Variants in SORCS1 observed in about 807,000 individuals in gnomAD.
SORCS1 encodes VPS10 domain-containing receptor SorCS1.
SORCS1 carries 60 observed loss-of-function variants against 146.1 expected under a neutral mutation model. The ratio of observed to expected loss-of-function variants is 0.41; its 90% CI spans 0.33 to 0.51. The LOEUF is 0.51. Ranked by LOEUF, SORCS1 falls within the 20% of genes least tolerant of loss-of-function variation. The pLI, the probability that SORCS1 is intolerant of heterozygous loss-of-function variation, is 0.21. For missense variants in SORCS1, 1,352 were observed against 1,487.6 expected, an observed-to-expected ratio of 0.91 and a Z score of 1.50; for synonymous variants, 637 against 584.0, an observed-to-expected ratio of 1.09 and a Z score of -1.31.
intron 17 of SORCS1, among the ~76,000 whole-genome samples, chr10:106,657,283 G>A (rs1051173337): frequency 6.6e-6 from 1 of 152,140 alleles, no homozygotes; most frequent in African/African-American, 2.4e-5. Flanking sequence ...CATAAAAAAA[G>A]AATGAAATAA....
intron 6 of SORCS1, among the ~76,000 whole-genome samples, chr10:106,720,609 C>T (rs886144428): frequency 4.0e-5 from 6 of 150,934 alleles, no homozygotes; most frequent in East Asian, 3.9e-4. Flanking sequence ...GAGCCAGAAA[C>T]ATTAGAAATT....
chr10:107,071,263 T>C (rs1457623004), intron 1 of SORCS1, among the ~76,000 whole-genome samples: 1 of 152,164 alleles, frequency 6.6e-6, no homozygotes, highest in Non-Finnish European at 1.5e-5. Flanking sequence ...CTCCAAATAA[T>C]TCTCAAGCCT....
rs949361526 is a variant in SORCS1, at chr10:106,889,473, G to A, written c.627-59800C>T. On this transcript the variant is annotated intron_variant, in intron 2 of 25. Transcript: ENST00000263054. ...TTGTGTGTCTATTAAGGTATAAAAAGCACTTCCCGGCCAGGCACGGTGGCT... is the reference window on the plus strand; with the variant it reads ...TTGTGTGTCTATTAAGGTATAAAAAACACTTCCCGGCCAGGCACGGTGGCT... 2.0e-5 allele frequency among the ~76,000 whole-genome samples: 3 copies of A among 152,074 alleles called. 1 individual carries two copies. Among genetic ancestry groups the A allele is most frequent in the Admixed American group, 2.0e-4 (3 of 15,270 alleles).
chr10:106,907,638 A>T (rs1951966326), intron 2 of SORCS1, among the ~76,000 whole-genome samples: 1 of 152,158 alleles, frequency 6.6e-6, no homozygotes, highest in Admixed American at 6.5e-5. Flanking sequence ...TTAAAAAATT[A>T]TGTCACGGTT....
chr10:106,672,795 T>C (rs1315562284), intron 15 of SORCS1, 73 bp downstream of exon 15: 1 of 1,281,940 alleles, frequency 7.8e-7, no homozygotes, highest in Non-Finnish European at 1.1e-6. Flanking sequence ...TTCCTATACC[T>C]TAGCAACTAG....
intron 1 of SORCS1, among the ~76,000 whole-genome samples, chr10:106,978,215 A>G (rs1319342333): frequency 6.6e-6 from 1 of 152,108 alleles, no homozygotes; most frequent in Non-Finnish European, 1.5e-5. Flanking sequence ...ACAGTGCTGC[A>G]ATTACAGGTG....
chr10:106,744,935 A>C (rs1321777780), intron 5 of SORCS1, among the ~76,000 whole-genome samples: 3 of 152,210 alleles, frequency 2.0e-5, no homozygotes, highest in Admixed American at 6.5e-5. Flanking sequence ...AATCAGTCAC[A>C]GAGAAAGTGC....
At chr10:106,940,431 T>A (rs1385074931) in intron 2 of SORCS1, among the ~76,000 whole-genome samples, 2 of 152,342 alleles carry the variant, frequency 1.3e-5, no homozygotes, top group African/African-American at 4.8e-5. Flanking sequence ...GTAGCATGTG[T>A]CCTTCGAAAT....
intron 21 of SORCS1, among the ~76,000 whole-genome samples, chr10:106,617,508 T>A (rs1235092812): frequency 6.6e-6 from 1 of 152,164 alleles, no homozygotes; most frequent in Non-Finnish European, 1.5e-5. Flanking sequence ...ATCAAGTATT[T>A]TTTTTATTTC....
At chr10:106,974,622 AAACCAG>A (rs1589828825) in intron 1 of SORCS1, among the ~76,000 whole-genome samples, 2 of 152,282 alleles carry the variant, frequency 1.3e-5, no homozygotes, top group East Asian at 1.9e-4. Flanking sequence ...CCAGAAACCA[AAACCAG>A]ATTCAGTCTC....
chr10:106,787,428 C>T (rs993944320), intron 3 of SORCS1, among the ~76,000 whole-genome samples: 1 of 152,056 alleles, frequency 6.6e-6, no homozygotes, highest in African/African-American at 2.4e-5. Context: ...TTTTATCATG[C>T]CCAGGCCCAC....
At chr10:106,690,120 C>T (rs543039935) in intron 9 of SORCS1, among the ~76,000 whole-genome samples, 1 of 152,348 alleles carries the variant, frequency 6.6e-6, no homozygotes, top group East Asian at 1.9e-4. Context: ...TACCTCACAA[C>T]AGCAGTGTGT....
At chr10:107,129,069 G>T (rs1013352616) in intron 1 of SORCS1, among the ~76,000 whole-genome samples, 2 of 152,194 alleles carry the variant, frequency 1.3e-5, no homozygotes, top group African/African-American at 2.4e-5. Flanking sequence ...AATAACAAAA[G>T]TTTCCGTTCA....
At chr10:106,885,701 C>G (rs753408571) in intron 2 of SORCS1, among the ~76,000 whole-genome samples, 9 of 152,204 alleles carry the variant, frequency 5.9e-5, no homozygotes, top group Middle Eastern at 3.4e-3. Context: ...TGTGTCCCCC[C>G]CCAAATCTCA....
intron 4 of SORCS1, among the ~76,000 whole-genome samples, chr10:106,772,973 T>C (rs962884820): frequency 1.3e-5 from 2 of 151,882 alleles, no homozygotes; most frequent in Admixed American, 6.6e-5. Context: ...GGAAAATAAA[T>C]GTGGCTATGT....
intron 2 of SORCS1, among the ~76,000 whole-genome samples, chr10:106,911,952 A>C (rs1290821090): frequency 2.6e-5 from 4 of 152,046 alleles, no homozygotes; most frequent in African/African-American, 9.7e-5. Context: ...CTCTACTAAA[A>C]AATACAAAAA....
chr10:106,782,075 G>A (rs191367493), intron 3 of SORCS1, among the ~76,000 whole-genome samples: 49 of 152,118 alleles, frequency 3.2e-4, no homozygotes, highest in East Asian at 2.1e-3. Flanking sequence ...GCACAAAATC[G>A]CGTCATTCAA....
At chr10:106,685,102 T>C (rs1211696182) in intron 10 of SORCS1, among the ~76,000 whole-genome samples, 1 of 152,186 alleles carries the variant, frequency 6.6e-6, no homozygotes, top group African/African-American at 2.4e-5. Flanking sequence ...CTTCCTGCTT[T>C]TGTTAACTTT....
At chr10:106,699,920 C>T (rs906829962) in intron 8 of SORCS1, among the ~76,000 whole-genome samples, 4 of 152,126 alleles carry the variant, frequency 2.6e-5, no homozygotes, top group African/African-American at 7.2e-5. Context: ...AATAAGATTG[C>T]TAAATAATTA....
Sources: allele counts gnomAD v4.1 joint callset (sites outside exome capture counted in the v4.1 genomes callset), GRCh38; gene constraint gnomAD v4.1.1; transcripts MANE v1.5; gene names NCBI Gene and HGNC (gene_info 2026-07-23, HGNC 2026-07-21).